Variants in SUPT16H observed in about 807,000 individuals in gnomAD.
SUPT16H encodes SPT16 homolog, facilitates chromatin remodeling subunit.
SUPT16H carries 24 observed loss-of-function variants against 136.2 expected under a neutral mutation model. The ratio of observed to expected loss-of-function variants is 0.18; its 90% CI spans 0.13 to 0.25. The LOEUF (loss-of-function observed/expected upper bound fraction) is 0.25, where lower values mean the gene tolerates loss of function less well. Among genes scored for constraint, SUPT16H ranks in the 10% least tolerant of loss-of-function variants. The pLI, the probability that SUPT16H is intolerant of heterozygous loss-of-function variation, is 1.00. For missense variants in SUPT16H, 623 were observed against 1,270.2 expected (o/e 0.49, Z 7.74); for synonymous variants, 415 against 428.2 (o/e 0.97, Z 0.38).
At chr14:21,370,255 G>T in intron 4 of SUPT16H, 81 bp downstream of exon 4, 1 of 1,506,944 alleles carries the variant, frequency 6.6e-7, no homozygotes. Flanking sequence ...CAAAACAAAC[G>T]TCCTGCACTA....
intron 5 of SUPT16H, 57 bp from the exon 6 acceptor site, chr14:21,369,412 T>G: frequency 6.3e-7 from 1 of 1,598,918 alleles, no homozygotes; most frequent in African/African-American, 1.3e-5. Flanking sequence ...AAGCGGGGTG[T>G]GTGGACACTA....
chr14:21,383,791 G>C, intron 1 of SUPT16H, 71 bp downstream of exon 1: 1 of 1,559,850 alleles, frequency 6.4e-7, no homozygotes. Flanking sequence ...AGAAAAAAGG[G>C]CGCCGAGAAA....
chr14:21,362,672 A>G, intron 14 of SUPT16H, 122 bp downstream of exon 14: 1 of 1,162,780 alleles, frequency 8.6e-7, no homozygotes, highest in South Asian at 1.6e-5. Context: ...GATGTCAGTA[A>G]CTGAACAGAG....
At chr14:21,366,551 G>A in intron 7 of SUPT16H, 22 bp from the exon 8 acceptor site, 6 of 1,593,522 alleles carry the variant, frequency 3.8e-6, no homozygotes, top group Non-Finnish European at 4.3e-6. Flanking sequence ...ACACAAAGGA[G>A]ATATTAAAGT....
rs775379248 is a variant in SUPT16H at position 21,383,706 on chromosome 14, G to A, written c.66+156C>T. The A allele has an allele frequency of 2.2e-5, 18 of 820,504 alleles. No individual in the cohort carries two copies. In the Admixed American group the frequency reaches 3.4e-4, roughly 16 times the overall value. 50.8% of individuals were successfully genotyped at this position (820,504 alleles called of 1,614,324 possible). On this transcript the variant is annotated intron_variant, in intron 1 of 25. Coordinates refer to ENST00000216297, the MANE Select transcript of SUPT16H (RefSeq NM_007192.4). Reference sequence around the variant, plus strand: ...GATTCCCTGTTAAGGGGCAGCGTTCGTGGCCGCCTCCGGTGAATGATTCGG... The same window carrying A: ...GATTCCCTGTTAAGGGGCAGCGTTCATGGCCGCCTCCGGTGAATGATTCGG...
intron 7 of SUPT16H, among the ~76,000 whole-genome samples, chr14:21,367,751 A>G (rs532901557): frequency 3.3e-5 from 5 of 152,262 alleles, no homozygotes; most frequent in East Asian, 1.9e-4. Context: ...AGAGGTTTCT[A>G]TAAACATCAA....
chr14:21,383,307 T>C (rs753126232), intron 1 of SUPT16H: 2 of 347,876 alleles, frequency 5.7e-6, no homozygotes, highest in Non-Finnish European at 1.0e-5. Flanking sequence ...TAGGTCCCTC[T>C]CTGTAACCCA....
intron 18 of SUPT16H, 102 bp from the exon 19 acceptor site, chr14:21,359,711 A>G: frequency 7.3e-7 from 1 of 1,375,234 alleles, no homozygotes; most frequent in Admixed American, 2.3e-5. Flanking sequence ...CATGCATGCA[A>G]AAATAATTAA....
chr14:21,359,701 C>CA lies in SUPT16H; in HGVS notation c.2176-93dup, dbSNP rs1886510038. On this transcript the variant is annotated intron_variant, in intron 18 of 25. Transcript: ENST00000216297. ...GTGATCCAAACTTGGGCCTCCACAG[C>CA]ATGCATGCAAAAATAATTAAACCAC... is the stretch of plus-strand genomic sequence containing the variant. 5 of 1,459,486 alleles carry CA rather than the reference C, an allele frequency of 3.4e-6. No individual in the cohort carries two copies. The African/African-American group carries it at 5.7e-5, about 17-fold the overall frequency. 90.4% of individuals were successfully genotyped at this position (1,459,486 alleles called of 1,614,324 possible). A position where few individuals can be genotyped will look rare whatever the true frequency, so the allele number is the denominator to read the frequency against.
At chr14:21,359,630 G>T (rs756636234) in intron 18 of SUPT16H, 21 bp from the exon 19 acceptor site, 1 of 1,610,108 alleles carries the variant, frequency 6.2e-7, no homozygotes, top group Non-Finnish European at 8.5e-7. Flanking sequence ...AAAACAGAAA[G>T]AACACAGAAG....
At position 21,373,330 on chromosome 14, in the gene SUPT16H, T is replaced by A; in HGVS notation, c.159+8A>T. The stretch of plus-strand genomic sequence containing the variant: ...TCTAAGAGCTAAAAATTGCTGTAAA[T>A]CTCTCACCTGTAAGGCAGTTGATTT... On this transcript the variant is annotated splice_region_variant and intron_variant, in intron 2 of 25. Coordinates refer to ENST00000216297, the MANE Select transcript of SUPT16H (RefSeq NM_007192.4). 1.2e-6 allele frequency: 2 copies of A among 1,606,318 alleles called. No individual in the cohort carries two copies. Among genetic ancestry groups the A allele is most frequent in the Non-Finnish European group, 1.7e-6 (2 of 1,172,970 alleles).
In SUPT16H at chr14:21,369,203, C is replaced by T; in HGVS notation, c.782+1G>A. The T allele has an allele frequency of 6.2e-7, 1 of 1,613,284 alleles. No individual in the cohort carries two copies. The highest frequency in any genetic ancestry group is 1.1e-5 in the South Asian group (1 of 90,984). ...ATATTATGAAGTCTTCATATACTTA[C>T]CTCACCACACTGAACTTGAGATTAT... On this transcript the variant is annotated splice_donor_variant, in intron 6 of 25. Transcript: ENST00000216297. LOFTEE classifies it high-confidence loss of function.
chr14:21,383,605 A>G (rs1224097717), intron 1 of SUPT16H: 1 of 702,508 alleles, frequency 1.4e-6, no homozygotes, highest in Non-Finnish European at 2.6e-6. Flanking sequence ...AGAGACTGCG[A>G]GAGGTGCTGC....
At chr14:21,361,797 G>A (rs576978789) in intron 15 of SUPT16H, among the ~76,000 whole-genome samples, 2 of 151,624 alleles carry the variant, frequency 1.3e-5, no homozygotes, top group South Asian at 2.1e-4. Context: ...ACAAGGTCTC[G>A]TTCTGTTGCT....
chr14:21,361,045 G>C, intron 16 of SUPT16H, 33 bp downstream of exon 16: 1 of 1,611,442 alleles, frequency 6.2e-7, no homozygotes, highest in Non-Finnish European at 8.5e-7. Flanking sequence ...GTCCTTCTTT[G>C]TGTAAGAATG....
At chr14:21,365,299 C>T (rs1223121502) in intron 8 of SUPT16H, among the ~76,000 whole-genome samples, 156 bp from the exon 9 acceptor site, 1 of 152,208 alleles carries the variant, frequency 6.6e-6, no homozygotes, top group Non-Finnish European at 1.5e-5. Context: ...GATTCAAAGA[C>T]AGTCTTTGGC....
At chr14:21,368,755 T>C (rs545653325) in intron 6 of SUPT16H, among the ~76,000 whole-genome samples, 4 of 152,364 alleles carry the variant, frequency 2.6e-5, no homozygotes, top group African/African-American at 9.6e-5. Context: ...AGGAGTCACT[T>C]ATCCATTAGT....
chr14:21,365,039 A>C (rs1877711843), intron 9 of SUPT16H, 31 bp downstream of exon 9: 1 of 1,611,668 alleles, frequency 6.2e-7, no homozygotes. Context: ...GTAACTCACA[A>C]AAGCATTTTC....
rs1886528794 is a variant in SUPT16H, at chr14:21,360,502, T to C, written c.2088A>G (p.Lys696=). The change falls in exon 18 of 26, where the codon AAA becomes AAG. Residue 696 remains lysine, a synonymous_variant. Transcript: ENST00000216297. The part of the protein sequence containing the change: ...GFRFTSVRGD[K]VDILYNNIKH... Reference sequence around the variant, plus strand: ...TAATATTATTGTACAAAATATCCACTTTGTCTCCTCGAACAGATGTGAAGC... The same window carrying C: ...TAATATTATTGTACAAAATATCCACCTTGTCTCCTCGAACAGATGTGAAGC... The C allele has an allele frequency of 7.4e-6, 12 of 1,613,898 alleles. No individual in the cohort carries two copies. Among genetic ancestry groups the C allele is most frequent in the Non-Finnish European group, 9.3e-6 (11 of 1,179,888 alleles).
Sources: allele counts gnomAD v4.1 joint callset (sites outside exome capture counted in the v4.1 genomes callset), GRCh38; gene constraint gnomAD v4.1.1; transcripts MANE v1.5; gene names NCBI Gene and HGNC (gene_info 2026-07-23, HGNC 2026-07-21).